The following RNF115 variants were observed in gnomAD, a reference collection of about 807,000 sequenced individuals.
RNF115 encodes the protein E3 ubiquitin-protein ligase RNF115.
In RNF115, 31 loss-of-function variants were observed where a neutral mutation model predicts 39.2. The ratio of observed to expected loss-of-function variants is 0.79; its 90% CI spans 0.59 to 1.07. RNF115 has a LOEUF of 1.07. Among genes scored for constraint, RNF115 ranks in the 50% least tolerant of loss-of-function variants. The pLI is 0.00. For synonymous variants in RNF115, 124 were observed against 131.0 expected, an observed-to-expected ratio of 0.95 and a Z score of 0.37; for missense variants, 384 against 381.7, an observed-to-expected ratio of 1.01 and a Z score of -0.05.
rs188137214 is a variant in RNF115 at position 145,792,543 on chromosome 1, G to A, written c.103-3577C>T. Reference sequence around the variant, plus strand: ...CATGTCAAAAAGATTAGTTTCTTGAGGAGACAGTCAAACCAAGAAACAGCA... The same window carrying A: ...CATGTCAAAAAGATTAGTTTCTTGAAGAGACAGTCAAACCAAGAAACAGCA... On this transcript the variant is annotated intron_variant, in intron 1 of 8. Coordinates refer to ENST00000582693, the MANE Select transcript of RNF115 (RefSeq NM_014455.4). Among the ~76,000 whole-genome samples, 397 of 152,178 alleles carry A rather than the reference G, an allele frequency of 2.6e-3. 1 individual carries two copies. Among genetic ancestry groups the A allele is most frequent in the Non-Finnish European group, 4.5e-3 (303 of 68,014 alleles).
At chr1:145,795,202 G>A (rs187055634) in intron 1 of RNF115, among the ~76,000 whole-genome samples, 11 of 151,936 alleles carry the variant, frequency 7.2e-5, no homozygotes, top group African/African-American at 1.7e-4. Context: ...TGATCCTCCC[G>A]GTGGGTTCAC....
chr1:145,765,438 A>T (rs587735898), intron 4 of RNF115, among the ~76,000 whole-genome samples: 1 of 152,184 alleles, frequency 6.6e-6, no homozygotes, highest in Non-Finnish European at 1.5e-5. Context: ...AAATTAAAAA[A>T]AAATTATTTG....
At chr1:145,801,489 C>T (rs1415436487) in intron 1 of RNF115, among the ~76,000 whole-genome samples, 1 of 151,990 alleles carries the variant, frequency 6.6e-6, no homozygotes, top group Non-Finnish European at 1.5e-5. Context: ...TGCTTGAACC[C>T]AGGAGGCAGA....
chr1:145,744,453 A>G lies in RNF115; in HGVS notation c.*2413T>C, dbSNP rs1553711365. ...TAATATGGGAGGTATATGAAAAAAC[A>G]TATTTTATTCCCTCTGGGCCCAAAT... On this transcript the variant is annotated 3_prime_UTR_variant, in exon 9 of 9. Transcript: ENST00000582693. The G allele has an allele frequency of 6.6e-6, 1 of 152,224 alleles. No homozygotes were observed. The highest frequency in any genetic ancestry group is 1.5e-5 in the Non-Finnish European group (1 of 68,046). The allele number at this position is 152,224 out of a possible 1,614,324, so 9.4% of individuals were successfully genotyped here.
At chr1:145,777,935 C>T (rs781801293) in intron 3 of RNF115, among the ~76,000 whole-genome samples, 11 of 152,054 alleles carry the variant, frequency 7.2e-5, no homozygotes, top group Non-Finnish European at 1.5e-4. Context: ...GTCTGTTCCT[C>T]AATGAGTTGA....
rs1320452806 is a variant in RNF115, at chr1:145,741,876, G to A, written c.*4990C>T. 1 of 152,274 alleles carries A rather than the reference G, an allele frequency of 6.6e-6. No homozygotes were observed. The highest frequency in any genetic ancestry group is 2.4e-5 in the African/African-American group (1 of 41,434). 9.4% of individuals were successfully genotyped at this position (152,274 alleles called of 1,614,324 possible). On this transcript the variant is annotated 3_prime_UTR_variant, in exon 9 of 9. Transcript: ENST00000582693. ...TGTAATCCCAGCACTTTGGGATGCT[G>A]AGGTCGGTGATCACTTGACATCAGG...
At chr1:145,805,530 T>C (rs985958675) in intron 1 of RNF115, among the ~76,000 whole-genome samples, 3 of 152,170 alleles carry the variant, frequency 2.0e-5, no homozygotes, top group Admixed American at 1.3e-4. Flanking sequence ...AAAAGGAAAA[T>C]TTTGACATTG....
intron 2 of RNF115, among the ~76,000 whole-genome samples, chr1:145,786,822 T>A (rs1648403232): frequency 6.6e-6 from 1 of 152,232 alleles, no homozygotes; most frequent in Non-Finnish European, 1.5e-5. Flanking sequence ...TAGCATGCCA[T>A]CCACACAAAA....
chr1:145,773,239 T>C (rs587664803), intron 3 of RNF115: 1 of 152,300 alleles, frequency 6.6e-6, no homozygotes, highest in Admixed American at 6.5e-5. Context: ...TTCTTTTTTC[T>C]TGTGAATGAA....
At chr1:145,766,074 T>C (rs1398714539) in intron 4 of RNF115, among the ~76,000 whole-genome samples, 5 of 151,636 alleles carry the variant, frequency 3.3e-5, no homozygotes, top group Non-Finnish European at 7.4e-5. Context: ...CATAGGACAA[T>C]AGTGGAGGGA....
chr1:145,823,590 G>C (rs1650408545), intron 1 of RNF115, among the ~76,000 whole-genome samples, 182 bp downstream of exon 1: 1 of 152,218 alleles, frequency 6.6e-6, no homozygotes, highest in Admixed American at 6.5e-5. Flanking sequence ...GTGGGCAGGA[G>C]GTACGGGGCC....
chr1:145,776,703 G>C (rs587613659), intron 3 of RNF115, among the ~76,000 whole-genome samples: 1 of 152,086 alleles, frequency 6.6e-6, no homozygotes, highest in South Asian at 2.1e-4. Flanking sequence ...GGGCGTGGTG[G>C]AGCATGCCTG....
chr1:145,769,221 T>G (rs1647526580), intron 4 of RNF115, among the ~76,000 whole-genome samples: 1 of 152,168 alleles, frequency 6.6e-6, no homozygotes, highest in Non-Finnish European at 1.5e-5. Flanking sequence ...CTTAGACAAT[T>G]TACCTAAACT....
chr1:145,747,373 C>T (rs1177102349), intron 8 of RNF115, among the ~76,000 whole-genome samples: 4 of 152,020 alleles, frequency 2.6e-5, no homozygotes, highest in East Asian at 1.9e-4. Flanking sequence ...GAAAATTGGC[C>T]GAGTGCAGTG....
At position 145,744,219 on chromosome 1, in the gene RNF115, T is replaced by C. The variant is rs990965540; in HGVS notation, c.*2647A>G. ...GCTGTCATGATTTTTCTGAGACAAC[T>C]GATATTGTGTACTTGAAAACTGCAA... On this transcript the variant is annotated 3_prime_UTR_variant, in exon 9 of 9. Coordinates refer to ENST00000582693, the MANE Select transcript of RNF115 (RefSeq NM_014455.4). The C allele has an allele frequency of 2.6e-5, 4 of 152,274 alleles. No individual in the cohort carries two copies. The highest frequency in any genetic ancestry group is 9.6e-5 in the African/African-American group (4 of 41,454). 9.4% of individuals were successfully genotyped at this position (152,274 alleles called of 1,614,324 possible).
At chr1:145,783,622 T>C (rs1215527670) in intron 3 of RNF115, among the ~76,000 whole-genome samples, 1 of 152,182 alleles carries the variant, frequency 6.6e-6, no homozygotes, top group Non-Finnish European at 1.5e-5. Flanking sequence ...ATTTAACTTA[T>C]TTCTTCCTTT....
rs1553711290 is a variant in RNF115, at chr1:145,743,889, C to G, written c.*2977G>C. The G allele has an allele frequency of 1.3e-5, 2 of 151,950 alleles. No individual in the cohort carries two copies. Among genetic ancestry groups the G allele is most frequent in the Admixed American group, 6.6e-5 (1 of 15,242 alleles). 9.4% of individuals were successfully genotyped at this position (151,950 alleles called of 1,614,324 possible). ...TAAATTAACCTGGACATCTGAGGTG[C>G]CTGCCATTATAAGAAGAAACACAAC... is the stretch of plus-strand genomic sequence containing the variant. On this transcript the variant is annotated 3_prime_UTR_variant, in exon 9 of 9. Coordinates refer to ENST00000582693, the MANE Select transcript of RNF115 (RefSeq NM_014455.4).
chr1:145,760,244 C>T (rs1220325054), intron 4 of RNF115, among the ~76,000 whole-genome samples: 10 of 152,086 alleles, frequency 6.6e-5, no homozygotes, highest in African/African-American at 2.2e-4. Context: ...CATAAGGAGA[C>T]CCCATCTCTA....
intron 1 of RNF115, among the ~76,000 whole-genome samples, chr1:145,795,728 T>C (rs587629665): frequency 1.4e-4 from 21 of 152,336 alleles, no homozygotes; most frequent in African/African-American, 4.6e-4. Context: ...TGGTTCTTCC[T>C]GTCATTTGGA....
Sources: gnomAD v4.1 joint callset for allele counts (sites outside exome capture counted in the v4.1 genomes callset) on GRCh38, gnomAD v4.1.1 for gene constraint, MANE v1.5 for transcripts, NCBI Gene and HGNC (gene_info 2026-07-23, HGNC 2026-07-21) for gene names.